The following CACNA1C variants were observed in gnomAD, a reference collection of about 807,000 sequenced individuals.
CACNA1C encodes calcium voltage-gated channel subunit alpha1 C, also known as voltage-dependent L-type calcium channel subunit alpha-1C.
A neutral mutation model predicts 229.0 loss-of-function variants in CACNA1C; 30 were observed. The ratio of observed to expected loss-of-function variants is 0.13; its 90% confidence interval spans 0.10 to 0.18. The LOEUF (loss-of-function observed/expected upper bound fraction) is 0.18. CACNA1C is among the 10% of genes least tolerant of loss of function. The pLI is 1.00. For missense variants in CACNA1C, 1,658 were observed against 2,845.0 expected (o/e 0.58, Z 9.49); for synonymous variants, 1,114 against 1,132.5 (o/e 0.98, Z 0.33).
intron 3 of CACNA1C, among the ~76,000 whole-genome samples, chr12:2,293,644 A>G (rs1290156190): frequency 6.6e-6 from 1 of 152,202 alleles, no homozygotes; most frequent in Non-Finnish European, 1.5e-5. Flanking sequence ...TTCTCCTTCC[A>G]ATGTGGCCCA....
chr12:2,281,281 C>T (rs1197812760), intron 3 of CACNA1C, among the ~76,000 whole-genome samples: 1 of 152,166 alleles, frequency 6.6e-6, no homozygotes, highest in South Asian at 2.1e-4. Flanking sequence ...CTAAACCTCA[C>T]AATACATTGT....
intron 3 of CACNA1C, among the ~76,000 whole-genome samples, chr12:2,351,754 G>A (rs1469576348): frequency 2.6e-5 from 4 of 152,162 alleles, no homozygotes; most frequent in African/African-American, 4.8e-5. Context: ...TCATGAGAGC[G>A]TGTTTCCTCC....
At chr12:2,603,403 C>T (rs2073764112) in intron 22 of CACNA1C, 1 of 152,254 alleles carries the variant, frequency 6.6e-6, no homozygotes, top group Admixed American at 6.5e-5. Flanking sequence ...ATCCTGACCA[C>T]ACAAAGCATG....
chr12:2,570,643 C>T (rs908401975), intron 13 of CACNA1C, among the ~76,000 whole-genome samples: 33 of 152,040 alleles, frequency 2.2e-4, no homozygotes, highest in African/African-American at 5.3e-4. Flanking sequence ...AGGCGTATGG[C>T]GTGAACTAAA....
At chr12:2,624,164 G>A (rs939834212) in intron 29 of CACNA1C, among the ~76,000 whole-genome samples, 11 of 152,150 alleles carry the variant, frequency 7.2e-5, no homozygotes, top group African/African-American at 1.7e-4. Context: ...TTGTAACGCC[G>A]ATGAACACTT....
At chr12:2,373,686 C>A (rs1419135218) in intron 3 of CACNA1C, among the ~76,000 whole-genome samples, 3 of 152,196 alleles carry the variant, frequency 2.0e-5, no homozygotes, top group African/African-American at 7.2e-5. Context: ...AGAAGGGAAA[C>A]AACAGAATTA....
intron 3 of CACNA1C, among the ~76,000 whole-genome samples, chr12:2,415,987 C>A (rs1333388452): frequency 6.6e-6 from 1 of 152,172 alleles, no homozygotes; most frequent in Non-Finnish European, 1.5e-5. Context: ...CCCTTTCTGT[C>A]CTCTCAGAGG....
At position 2,666,846 on chromosome 12, in the gene CACNA1C, T is replaced by C. The variant is rs1171562787; in HGVS notation, c.4623+64T>C. 5.2e-6 allele frequency: 5 copies of C among 954,372 alleles called. No individual in the cohort carries two copies. Among genetic ancestry groups the C allele is most frequent in the Non-Finnish European group, 8.2e-6 (5 of 606,646 alleles). The allele number at this position is 954,372 out of a possible 1,614,324, so 59.1% of individuals were successfully genotyped here. A position where few individuals can be genotyped will look rare whatever the true frequency, so the allele number is the denominator to read the frequency against. ...TAGGGGAAGTGAAGTGCCCATTTCT[T>C]GTGATCCTTTAAGGGAATGAACATA... On this transcript the variant is annotated intron_variant, in intron 37 of 46. Coordinates refer to ENST00000399655, the MANE Select transcript of CACNA1C (RefSeq NM_000719.7). This position sits in a 1 kb window ranked among gnomAD's most constrained non-coding sequence, Gnocchi z 5.3.
intron 3 of CACNA1C, among the ~76,000 whole-genome samples, chr12:2,130,061 T>C (rs1208355640): frequency 6.6e-6 from 1 of 152,144 alleles, no homozygotes; most frequent in African/African-American, 2.4e-5. Flanking sequence ...TTCTGTATGA[T>C]TGAAGTTGTT....
chr12:2,275,693 G>A lies in CACNA1C; in HGVS notation c.477+155263G>A, dbSNP rs2087560857. On this transcript the variant is annotated intron_variant, in intron 3 of 46. Coordinates refer to ENST00000399655, the MANE Select transcript of CACNA1C (RefSeq NM_000719.7). The surrounding 1 kb of genome is among the most constrained non-coding windows in gnomAD (Gnocchi z 4.1). ...GTCTCAGATTGGATTTGACCTTTTC[G>A]CTTGTGGTCGGGCCAGGTTGAGCAG... Among the ~76,000 whole-genome samples, 6 of 150,794 alleles carry A rather than the reference G, an allele frequency of 4.0e-5. No homozygotes were observed. The South Asian group carries it at 1.2e-3, about 31-fold the overall frequency.
At chr12:2,101,001 CAAAAAA>C (rs551820516) in intron 1 of CACNA1C, among the ~76,000 whole-genome samples, 9 of 72,308 alleles carry the variant, frequency 1.2e-4, no homozygotes, top group African/African-American at 3.7e-4. Context: ...AGACCCATCT[CAAAAAA>C]AAAAAAAAAA....
intron 3 of CACNA1C, among the ~76,000 whole-genome samples, chr12:2,320,222 G>A (rs967674353): frequency 6.6e-6 from 1 of 152,142 alleles, no homozygotes; most frequent in Non-Finnish European, 1.5e-5. Context: ...TTCAGGTCCT[G>A]TGGGATCCAG....
chr12:2,499,875 A>G (rs969567086), intron 7 of CACNA1C, among the ~76,000 whole-genome samples: 2 of 152,062 alleles, frequency 1.3e-5, no homozygotes, highest in Admixed American at 6.5e-5. Flanking sequence ...TAGGACATCA[A>G]TCTCATGACT....
chr12:2,350,651 C>T (rs982888999), intron 3 of CACNA1C, among the ~76,000 whole-genome samples: 1 of 152,232 alleles, frequency 6.6e-6, no homozygotes, highest in Admixed American at 6.5e-5. Flanking sequence ...AATGGCTGGT[C>T]ACCCCCTCAT....
chr12:2,516,190 G>A (rs1291457419), intron 9 of CACNA1C, among the ~76,000 whole-genome samples: 3 of 152,192 alleles, frequency 2.0e-5, no homozygotes, highest in African/African-American at 7.2e-5. Context: ...AGTTGGGAAA[G>A]GAGCCTTCTA....
At chr12:2,299,066 G>A (rs561056525) in intron 3 of CACNA1C, among the ~76,000 whole-genome samples, 1 of 152,364 alleles carries the variant, frequency 6.6e-6, no homozygotes, top group South Asian at 2.1e-4. Context: ...AGCCCGAGCT[G>A]TTAAGGAGAG....
intron 3 of CACNA1C, among the ~76,000 whole-genome samples, chr12:2,172,961 G>A (rs1264726355): frequency 2.0e-5 from 3 of 152,192 alleles, no homozygotes; most frequent in Non-Finnish European, 2.9e-5. Context: ...TCACCAGGAA[G>A]GACTGAGTTC....
intron 29 of CACNA1C, among the ~76,000 whole-genome samples, chr12:2,625,949 C>A (rs1211970189): frequency 6.6e-6 from 1 of 152,084 alleles, no homozygotes; most frequent in Non-Finnish European, 1.5e-5. Context: ...CAGAGTTAAA[C>A]CCTGTCTCTA....
At chr12:2,220,333 A>G (rs370313412) in intron 3 of CACNA1C, among the ~76,000 whole-genome samples, 36 of 152,180 alleles carry the variant, frequency 2.4e-4, no homozygotes, top group African/African-American at 8.2e-4. Context: ...ATGCTAACGC[A>G]TGTGATACAC....
Sources: gnomAD v4.1 joint callset for allele counts (sites outside exome capture counted in the v4.1 genomes callset) on GRCh38, gnomAD v4.1.1 for gene constraint, Gnocchi (gnomAD v3.1) non-coding constraint, MANE v1.5 for transcripts, NCBI Gene and HGNC (gene_info 2026-07-23, HGNC 2026-07-21) for gene names.